Variants in TFCP2 observed in about 807,000 individuals in gnomAD.
TFCP2 encodes transcription factor CP2.
A neutral mutation model predicts 73.4 loss-of-function variants in TFCP2; 33 were observed. That is an observed-to-expected ratio of 0.45 (90% confidence interval 0.34 to 0.60). The LOEUF (loss-of-function observed/expected upper bound fraction) is 0.60. Among genes scored for constraint, TFCP2 ranks in the 20% least tolerant of loss-of-function variants. The pLI, the probability that TFCP2 is intolerant of heterozygous loss-of-function variation, is 0.01. For missense variants in TFCP2, 352 were observed against 604.0 expected (o/e 0.58, Z 4.37); for synonymous variants, 193 against 211.6 (o/e 0.91, Z 0.76).
rs757733838 is a variant in TFCP2 at position 51,106,529 on chromosome 12, C to T, written c.913G>A (p.Glu305Lys). ...AATTTTATTTCCCAGACTTACCCTT[C>T]CCCAAGAGAAAAACTGCTATGGGAA... ...NSSHSSFSLG[E>K]GNGSPNHQPE... The change falls in exon 8 of 15, where the codon GAA (glutamate) becomes AAA (lysine). Residue 305 changes from glutamate (E) to lysine (K), a missense_variant. Glu to Lys is a moderately conservative substitution (Grantham distance 56). This residue lies in a region of TFCP2 where 194 missense variants were observed against 256.3 expected (regional missense o/e 0.76). Transcript: ENST00000257915. 2.5e-6 allele frequency: 4 copies of T among 1,611,412 alleles called. No homozygotes were observed. The highest frequency in any genetic ancestry group is 1.1e-5 in the South Asian group (1 of 90,548).
intron 1 of TFCP2, among the ~76,000 whole-genome samples, chr12:51,159,945 C>T (rs1225362355): frequency 2.0e-5 from 3 of 152,072 alleles, no homozygotes. Context: ...TGAAATTAAC[C>T]AAAATTTACC....
At chr12:51,130,412 T>C (rs1320160224) in intron 1 of TFCP2, among the ~76,000 whole-genome samples, 1 of 151,216 alleles carries the variant, frequency 6.6e-6, no homozygotes, top group Non-Finnish European at 1.5e-5. Flanking sequence ...GCAGAGGCTG[T>C]AGCGAGCCAA....
chr12:51,112,271 T>A (rs1940421478), intron 4 of TFCP2, among the ~76,000 whole-genome samples: 2 of 152,232 alleles, frequency 1.3e-5, no homozygotes, highest in Admixed American at 6.5e-5. Flanking sequence ...GTAATCAGCA[T>A]ATTCATTGTC....
intron 8 of TFCP2, 36 bp downstream of exon 8, chr12:51,106,489 G>T: frequency 6.9e-7 from 1 of 1,453,004 alleles, no homozygotes; most frequent in South Asian, 1.2e-5. Context: ...TATATATTTT[G>T]GACAAATATA....
Position 51,128,490 on chromosome 12 carries a change from A to C in TFCP2, c.123-9718T>G, listed in dbSNP as rs930540961. Among the ~76,000 whole-genome samples the C allele has an allele frequency of 1.5e-3, 231 of 150,114 alleles. 1 individual carries two copies. Among genetic ancestry groups the C allele is most frequent in the African/African-American group, 5.4e-3 (221 of 41,176 alleles). ...TAAAGTATAATAATAAAAAAAAAAA[A>C]AACAAAAAAAACAAACTAGTATTGG... On this transcript the variant is annotated intron_variant, in intron 1 of 14. Coordinates refer to ENST00000257915, the MANE Select transcript of TFCP2 (RefSeq NM_005653.5).
intron 1 of TFCP2, among the ~76,000 whole-genome samples, chr12:51,149,103 G>A (rs1441462364): frequency 6.7e-6 from 1 of 149,870 alleles, no homozygotes; most frequent in East Asian, 2.0e-4. Flanking sequence ...TAAAAGGAAC[G>A]AAACAATGGC....
chr12:51,138,271 A>G (rs1941108428), intron 1 of TFCP2, among the ~76,000 whole-genome samples: 1 of 151,936 alleles, frequency 6.6e-6, no homozygotes, highest in African/African-American at 2.4e-5. Flanking sequence ...CCTGTCGAGT[A>G]GCTGGGATTA....
intron 4 of TFCP2, among the ~76,000 whole-genome samples, chr12:51,113,790 A>G (rs1187525738): frequency 1.3e-5 from 2 of 152,230 alleles, no homozygotes; most frequent in African/African-American, 2.4e-5. Flanking sequence ...GTGCAAGACC[A>G]TTCAGTGGGG....
intron 1 of TFCP2, among the ~76,000 whole-genome samples, chr12:51,149,187 C>T (rs1941368247): frequency 6.6e-6 from 1 of 151,914 alleles, no homozygotes; most frequent in Non-Finnish European, 1.5e-5. Context: ...AACCAAACAT[C>T]GTATGTTTTC....
chr12:51,162,944 G>C (rs1941678796), intron 1 of TFCP2: 1 of 152,152 alleles, frequency 6.6e-6, no homozygotes, highest in South Asian at 2.1e-4. Flanking sequence ...GAATGATTCA[G>C]AGAAGATTAG....
chr12:51,124,792 T>G, intron 1 of TFCP2: 1 of 881,024 alleles, frequency 1.1e-6, no homozygotes, highest in Non-Finnish European at 1.9e-6. Context: ...TGCTCAGCCT[T>G]TTTCTGCTGC....
intron 5 of TFCP2, among the ~76,000 whole-genome samples, chr12:51,109,977 CCAAAG>C (rs1184146745): frequency 1.1e-4 from 16 of 152,066 alleles, no homozygotes; most frequent in Non-Finnish European, 7.4e-5. Flanking sequence ...CCTCGGCCTC[CCAAAG>C]TGCTGGGATT....
chr12:51,140,615 C>T (rs1421366240), intron 1 of TFCP2, among the ~76,000 whole-genome samples: 1 of 151,068 alleles, frequency 6.6e-6, no homozygotes, highest in Non-Finnish European at 1.5e-5. Context: ...TTTTTAGAGA[C>T]AGGGTCTTAC....
Position 51,095,201 on chromosome 12 carries a change from TGAAG to T in TFCP2, c.*36_*39del, listed in dbSNP as rs1566195426. On this transcript the variant is annotated 3_prime_UTR_variant, in exon 15 of 15. Transcript: ENST00000257915. ...CCTTCAAGAGGGCCGTTTTCAGAGG[TGAAG>T]GAAGGAGCAGCCACTGGGCACGAAA... The T allele has an allele frequency of 6.2e-7, 1 of 1,610,700 alleles. No individual in the cohort carries two copies.
chr12:51,105,345 G>A (rs780388431), intron 8 of TFCP2, among the ~76,000 whole-genome samples: 1 of 152,054 alleles, frequency 6.6e-6, no homozygotes, highest in Non-Finnish European at 1.5e-5. Flanking sequence ...GCCCACCTTG[G>A]CTTCCCAAAG....
chr12:51,161,249 A>G (rs191321318), intron 1 of TFCP2, among the ~76,000 whole-genome samples: 1 of 152,294 alleles, frequency 6.6e-6, no homozygotes, highest in East Asian at 1.9e-4. Flanking sequence ...TTCGTAAGTA[A>G]CAACAGTAAT....
At chr12:51,115,409 C>T (rs540792575) in intron 4 of TFCP2, among the ~76,000 whole-genome samples, 107 of 152,216 alleles carry the variant, frequency 7.0e-4, no homozygotes, top group African/African-American at 2.3e-3. Flanking sequence ...CGTGAGCCAT[C>T]GCGCCCGGCC....
intron 1 of TFCP2, among the ~76,000 whole-genome samples, chr12:51,154,235 G>A (rs1467516601): frequency 2.0e-5 from 3 of 152,134 alleles, no homozygotes; most frequent in Non-Finnish European, 2.9e-5. Context: ...TGATGGGGGG[G>A]ATCCAAGACT....
chr12:51,169,235 A>C (rs1043605330), intron 1 of TFCP2, among the ~76,000 whole-genome samples: 1 of 151,988 alleles, frequency 6.6e-6, no homozygotes, highest in Non-Finnish European at 1.5e-5. Flanking sequence ...GCAGTGGCTC[A>C]CGCCTGTAAT....
Sources: gnomAD v4.1 joint callset for allele counts (sites outside exome capture counted in the v4.1 genomes callset) on GRCh38, gnomAD v4.1.1 for gene constraint, gnomAD v4.1.1 regional missense constraint, MANE v1.5 for transcripts, NCBI Gene and HGNC (gene_info 2026-07-23, HGNC 2026-07-21) for gene names.